VTI1A: variants seen among roughly 807,000 people sequenced by gnomAD.
VTI1A encodes vesicle transport through interaction with t-SNAREs 1A.
A neutral mutation model predicts 34.9 loss-of-function variants in VTI1A; 22 were observed. That is an observed-to-expected ratio of 0.63 (90% CI 0.45 to 0.90). The LOEUF (loss-of-function observed/expected upper bound fraction) is 0.90, where lower values mean the gene tolerates loss of function less well. Among genes scored for constraint, VTI1A ranks in the 40% least tolerant of loss-of-function variants. The pLI, the probability that VTI1A is intolerant of heterozygous loss-of-function variation, is 0.00. For missense variants in VTI1A, 268 were observed against 275.6 expected (o/e 0.97, Z 0.20); for synonymous variants, 87 against 97.3 (o/e 0.89, Z 0.62).
At chr10:112,686,051 G>A (rs916568198) in intron 7 of VTI1A, among the ~76,000 whole-genome samples, 2 of 152,146 alleles carry the variant, frequency 1.3e-5, no homozygotes, top group African/African-American at 4.8e-5. Context: ...GGGAACTCTG[G>A]TTTCCTTACT....
intron 5 of VTI1A, among the ~76,000 whole-genome samples, chr10:112,625,915 A>C (rs1328775407): frequency 1.3e-5 from 2 of 152,206 alleles, no homozygotes; most frequent in East Asian, 3.8e-4. Context: ...ACAGTACTAA[A>C]ATAAATCTCT....
At chr10:112,725,033 T>A (rs1849967462) in intron 7 of VTI1A, among the ~76,000 whole-genome samples, 1 of 152,210 alleles carries the variant, frequency 6.6e-6, no homozygotes. Context: ...CAGCATAACT[T>A]TTAAAAAACG....
chr10:112,524,359 T>A (rs1252434980), intron 3 of VTI1A, among the ~76,000 whole-genome samples: 2 of 152,164 alleles, frequency 1.3e-5, no homozygotes, highest in Admixed American at 1.3e-4. Context: ...CATGAGGAAC[T>A]GTTTCTGATA....
At chr10:112,597,695 T>C (rs12767706) in intron 5 of VTI1A, among the ~76,000 whole-genome samples, 6 of 84,756 alleles carry the variant, frequency 7.1e-5, no homozygotes, top group South Asian at 3.9e-4. Flanking sequence ...CCTTGTCTCT[T>C]TTTTTTTTTT....
chr10:112,649,032 G>A (rs890276175), intron 5 of VTI1A, among the ~76,000 whole-genome samples: 2 of 152,102 alleles, frequency 1.3e-5, no homozygotes, highest in Non-Finnish European at 2.9e-5. Context: ...TGTACCTGAA[G>A]TGGAGAATGG....
intron 5 of VTI1A, among the ~76,000 whole-genome samples, chr10:112,606,911 A>G (rs982111703): frequency 2.0e-5 from 3 of 152,194 alleles, no homozygotes; most frequent in African/African-American, 7.2e-5. Flanking sequence ...CACCAACTTT[A>G]TGTCAAGTGC....
At position 112,527,138 on chromosome 10, in the gene VTI1A, G is replaced by C. The variant is rs375060487; in HGVS notation, c.316G>C (p.Asp106His). The part of the protein sequence containing the change: ...SDEVRNELLG[D>H]DGNSSENQRA... ...CGAAGTACGGAATGAGCTCCTGGGG[G>C]ATGATGGGAATTCCTCAGAGAACCA... The change falls in exon 4 of 8, where the codon GAT (aspartate) becomes CAT (histidine). Residue 106 changes from aspartate to histidine, a missense_variant. Coordinates refer to ENST00000393077, the MANE Select transcript of VTI1A (RefSeq NM_145206.4). The C allele has an allele frequency of 1.9e-6, 3 of 1,613,380 alleles. No homozygotes were observed. The highest frequency in any genetic ancestry group is 2.7e-5 in the African/African-American group (2 of 74,882).
At chr10:112,540,162 C>A (rs1850810941) in intron 5 of VTI1A, among the ~76,000 whole-genome samples, 6 of 152,126 alleles carry the variant, frequency 3.9e-5, no homozygotes, top group Admixed American at 3.9e-4. Flanking sequence ...ATTCATATAG[C>A]TCCCTCCCAA....
chr10:112,848,112 A>G, the VTI1A span, among the ~76,000 whole-genome samples: 1 of 152,240 alleles, frequency 6.6e-6, no homozygotes, highest in East Asian at 1.9e-4. Context: ...AACCGCCATC[A>G]TGAGACTTTA....
the VTI1A span, among the ~76,000 whole-genome samples, chr10:112,837,903 G>A: frequency 6.6e-6 from 1 of 152,190 alleles, no homozygotes; most frequent in African/African-American, 2.4e-5. Flanking sequence ...GAGGGAGGGA[G>A]TACCCAGCTC....
intron 7 of VTI1A, among the ~76,000 whole-genome samples, chr10:112,778,518 T>C (rs916623942): frequency 2.0e-5 from 3 of 152,212 alleles, no homozygotes; most frequent in Admixed American, 6.5e-5. Flanking sequence ...AAGAATTTAA[T>C]TATTCTATAC....
At chr10:112,533,693 A>G (rs1266795778) in intron 4 of VTI1A, 13 of 362,842 alleles carry the variant, frequency 3.6e-5, no homozygotes, top group Non-Finnish European at 7.8e-6. Context: ...TTGTTCAGAA[A>G]TCTTTTCTGC....
chr10:112,845,871 AGCCGGGCGT>A, the VTI1A span, among the ~76,000 whole-genome samples: 1 of 152,030 alleles, frequency 6.6e-6, no homozygotes, highest in South Asian at 2.1e-4. Flanking sequence ...TACAAAAATT[AGCCGGGCGT>A]GGTGGCACGC....
intron 7 of VTI1A, among the ~76,000 whole-genome samples, chr10:112,671,160 C>G (rs1847832857): frequency 6.6e-6 from 1 of 152,156 alleles, no homozygotes; most frequent in South Asian, 2.1e-4. Context: ...TGTACCAAAG[C>G]CTTTTATTGA....
intron 7 of VTI1A, among the ~76,000 whole-genome samples, chr10:112,782,504 C>T (rs1482295644): frequency 6.6e-6 from 1 of 152,220 alleles, no homozygotes; most frequent in Non-Finnish European, 1.5e-5. Context: ...TCTTTCCCGT[C>T]GCGGCATATT....
chr10:112,810,936 C>T (rs1853261635), intron 7 of VTI1A, among the ~76,000 whole-genome samples: 1 of 137,370 alleles, frequency 7.3e-6, no homozygotes, highest in African/African-American at 2.9e-5. Context: ...AACCAAGAGG[C>T]AAAAACCTGT....
rs1016443781 is a variant in VTI1A at position 112,640,557 on chromosome 10, A to G, written c.428-27661A>G. ...CTGGGAAAAAAAACAAACAACAACAACAACAAAAAAAAACCCCACTAGCTT... is the reference window on the plus strand; with the variant it reads ...CTGGGAAAAAAAACAAACAACAACAGCAACAAAAAAAAACCCCACTAGCTT... On this transcript the variant is annotated intron_variant, in intron 5 of 7. Transcript: ENST00000393077. Among the ~76,000 whole-genome samples, 6 of 152,086 alleles carry G rather than the reference A, an allele frequency of 3.9e-5. No individual in the cohort carries two copies. In the South Asian group the frequency reaches 1.0e-3, roughly 26 times the overall value.
At chr10:112,808,849 G>A (rs1853185370) in intron 7 of VTI1A, among the ~76,000 whole-genome samples, 1 of 152,044 alleles carries the variant, frequency 6.6e-6, no homozygotes, top group African/African-American at 2.4e-5. Flanking sequence ...AGGCAGCCTC[G>A]TCCGGTATGG....
At chr10:112,799,888 T>TG (rs922390878) in intron 7 of VTI1A, among the ~76,000 whole-genome samples, 9 of 151,384 alleles carry the variant, frequency 5.9e-5, no homozygotes, top group Non-Finnish European at 1.3e-4. Context: ...CCACCTGGGC[T>TG]GGGGGGACTA....
Sources: allele counts gnomAD v4.1 joint callset (sites outside exome capture counted in the v4.1 genomes callset), GRCh38; gene constraint gnomAD v4.1.1; transcripts MANE v1.5; gene names NCBI Gene and HGNC (gene_info 2026-07-23, HGNC 2026-07-21).